Variants in PRKG1 observed in about 807,000 individuals in gnomAD.
PRKG1 encodes protein kinase cGMP-dependent 1, also known as cGMP-dependent protein kinase 1.
Under a neutral mutation model 88.1 loss-of-function variants are expected in PRKG1, and 35 were observed. The ratio of observed to expected loss-of-function variants is 0.40; its 90% confidence interval spans 0.30 to 0.53. The LOEUF is 0.53. Ranked by LOEUF, PRKG1 falls within the 20% of genes least tolerant of loss-of-function variation. The probability of loss-of-function intolerance (pLI) is 0.59; values close to 1 mark genes in which losing one functional copy is unlikely to be tolerated. For missense variants in PRKG1, 540 were observed against 839.8 expected (o/e 0.64, Z 4.41); for synonymous variants, 303 against 292.5 (o/e 1.04, Z -0.37).
intron 5 of PRKG1, among the ~76,000 whole-genome samples, chr10:52,030,415 A>T (rs939213487): frequency 6.6e-6 from 1 of 151,904 alleles, no homozygotes; most frequent in African/African-American, 2.4e-5. Flanking sequence ...AAACTGTCTG[A>T]CTCCACTTAT....
intron 9 of PRKG1, among the ~76,000 whole-genome samples, chr10:52,234,266 C>T (rs1437636476): frequency 6.6e-6 from 1 of 152,214 alleles, no homozygotes; most frequent in Non-Finnish European, 1.5e-5. Context: ...GTCTCTCCTC[C>T]TCCAAAGGAA....
rs185346695 is a variant in PRKG1, at chr10:52,028,582, G to A, written c.763-25902G>A. Among the ~76,000 whole-genome samples the A allele has an allele frequency of 1.4e-4, 22 of 152,288 alleles. 1 individual carries two copies. In the East Asian group the frequency reaches 4.3e-3, roughly 29 times the overall value. ...TTGTTCTGTATAACATGTGCCTAAG[G>A]TTTACTTTGGGCTGCTTGTAACCTC... On this transcript the variant is annotated intron_variant, in intron 5 of 17. Coordinates refer to ENST00000373980, the MANE Select transcript of PRKG1 (RefSeq NM_006258.4).
At chr10:51,713,924 A>G (rs954959460) in intron 3 of PRKG1, among the ~76,000 whole-genome samples, 6 of 152,180 alleles carry the variant, frequency 3.9e-5, no homozygotes, top group Non-Finnish European at 8.8e-5. Flanking sequence ...TAAAAGAGCT[A>G]TTTTAATTCA....
intron 7 of PRKG1, among the ~76,000 whole-genome samples, chr10:52,130,415 G>A (rs1837222300): frequency 6.6e-6 from 1 of 152,056 alleles, no homozygotes; most frequent in Non-Finnish European, 1.5e-5. Flanking sequence ...ACAAAATTCT[G>A]AAATATTGTA....
At chr10:51,583,798 G>T (rs1838103840) in intron 3 of PRKG1, among the ~76,000 whole-genome samples, 1 of 152,046 alleles carries the variant, frequency 6.6e-6, no homozygotes, top group African/African-American at 2.4e-5. Context: ...CTATAATGGA[G>T]CAGAGACAAA....
At chr10:51,861,076 T>C (rs954669860) in intron 4 of PRKG1, among the ~76,000 whole-genome samples, 1 of 151,416 alleles carries the variant, frequency 6.6e-6, no homozygotes, top group African/African-American at 2.4e-5. Context: ...TTTTATGAGA[T>C]AAAAAAAAAG....
At chr10:51,713,342 T>C (rs1841807398) in intron 3 of PRKG1, among the ~76,000 whole-genome samples, 1 of 152,214 alleles carries the variant, frequency 6.6e-6, no homozygotes, top group South Asian at 2.1e-4. Context: ...TCATTTATTG[T>C]ATAGCACTTA....
At chr10:51,944,939 G>A (rs1192930607) in intron 5 of PRKG1, among the ~76,000 whole-genome samples, 2 of 151,648 alleles carry the variant, frequency 1.3e-5, no homozygotes, top group Non-Finnish European at 2.9e-5. Context: ...CTGTTGATTT[G>A]GGGTGGAGAG....
intron 2 of PRKG1, among the ~76,000 whole-genome samples, chr10:51,250,765 A>T (rs1839406836): frequency 6.6e-6 from 1 of 151,726 alleles, no homozygotes; most frequent in African/African-American, 2.4e-5. Context: ...GGCCATGCAA[A>T]CCCCTTTACT....
chr10:51,759,991 G>C (rs753206264), intron 3 of PRKG1, among the ~76,000 whole-genome samples: 1 of 152,146 alleles, frequency 6.6e-6, no homozygotes, highest in East Asian at 1.9e-4. Flanking sequence ...ATAAAACAAA[G>C]CTAGTCTGGC....
intron 3 of PRKG1, chr10:51,698,257 A>G (rs571544210): frequency 6.9e-5 from 112 of 1,613,600 alleles, no homozygotes; most frequent in Non-Finnish European, 9.2e-5. Flanking sequence ...TCTCCATTAC[A>G]CGTGTCTCTA....
chr10:51,193,783 TTACTC>T (rs1837691193), intron 2 of PRKG1, among the ~76,000 whole-genome samples: 2 of 152,072 alleles, frequency 1.3e-5, no homozygotes, highest in Admixed American at 1.3e-4. Context: ...TGTAGTAACT[TTACTC>T]TGTTTGATCC....
Position 52,269,834 on chromosome 10 carries a change from G to C in PRKG1, c.1174-1516G>C, listed in dbSNP as rs375033863. 5.9e-5 allele frequency among the ~76,000 whole-genome samples: 9 copies of C among 152,068 alleles called. No homozygotes were observed. The East Asian group carries it at 1.6e-3, about 26-fold the overall frequency. On this transcript the variant is annotated intron_variant, in intron 10 of 17. Coordinates refer to ENST00000373980, the MANE Select transcript of PRKG1 (RefSeq NM_006258.4). The stretch of plus-strand genomic sequence containing the variant: ...ACAAGTCACCTTCTTGAAATTTCTT[G>C]TAAAACCATAAACAGCACCCTGTCT...
chr10:51,098,323 T>C (rs182247035), intron 1 of PRKG1, among the ~76,000 whole-genome samples: 2 of 152,282 alleles, frequency 1.3e-5, no homozygotes, highest in East Asian at 1.9e-4. Flanking sequence ...GTTGTGAGGA[T>C]TAAATTGGGA....
At chr10:52,167,967 A>G (rs1378274385) in intron 9 of PRKG1, among the ~76,000 whole-genome samples, 3 of 152,200 alleles carry the variant, frequency 2.0e-5, no homozygotes, top group African/African-American at 7.2e-5. Flanking sequence ...ATAGATTTTC[A>G]TCTGTAATAT....
At chr10:52,247,921 A>T (rs1304798278) in intron 9 of PRKG1, among the ~76,000 whole-genome samples, 3 of 152,338 alleles carry the variant, frequency 2.0e-5, no homozygotes, top group African/African-American at 7.2e-5. Context: ...AGAGCCCCGA[A>T]CAGAGATTTA....
chr10:51,342,556 T>C (rs758034870), intron 2 of PRKG1, among the ~76,000 whole-genome samples: 1 of 152,182 alleles, frequency 6.6e-6, no homozygotes, highest in Non-Finnish European at 1.5e-5. Flanking sequence ...CCTAAATCTG[T>C]ATCAAAGTCC....
intron 2 of PRKG1, chr10:51,245,139 T>C (rs1839256625): frequency 6.6e-6 from 1 of 152,122 alleles, no homozygotes; most frequent in South Asian, 2.1e-4. Flanking sequence ...TGCTCTCCTA[T>C]TGAAAAGAAC....
chr10:51,602,849 T>C (rs1030316997), intron 3 of PRKG1, among the ~76,000 whole-genome samples: 1 of 151,968 alleles, frequency 6.6e-6, no homozygotes, highest in Non-Finnish European at 1.5e-5. Flanking sequence ...ATTATATTTA[T>C]AATCATATGT....
Sources: allele counts gnomAD v4.1 joint callset (sites outside exome capture counted in the v4.1 genomes callset), GRCh38; gene constraint gnomAD v4.1.1; transcripts MANE v1.5; gene names NCBI Gene and HGNC (gene_info 2026-07-23, HGNC 2026-07-21).